POTEF: variants seen among roughly 807,000 people sequenced by gnomAD.
The protein encoded by POTEF is ANKRD26-like family C member 1B.
POTEF carries 20 observed loss-of-function variants against 83.2 expected under a neutral mutation model. That is an observed-to-expected ratio of 0.24 (90% CI 0.17 to 0.35). The LOEUF is 0.35. Ranked by LOEUF, POTEF falls within the 10% of genes least tolerant of loss-of-function variation. The pLI is 1.00. For synonymous variants in POTEF, 196 were observed against 446.4 expected, an observed-to-expected ratio of 0.44 and a Z score of 7.07; for missense variants, 550 against 1,203.2, an observed-to-expected ratio of 0.46 and a Z score of 8.03.
intron 3 of POTEF, among the ~76,000 whole-genome samples, chr2:130,116,318 G>A (rs554203405): frequency 2.7e-5 from 4 of 150,410 alleles, no homozygotes; most frequent in African/African-American, 1.0e-4. Flanking sequence ...CTTTTAAAAC[G>A]GATTTATGAA....
intron 5 of POTEF, among the ~76,000 whole-genome samples, chr2:130,114,569 C>T (rs1684792301): frequency 1.4e-5 from 2 of 144,696 alleles, no homozygotes; most frequent in Admixed American, 6.9e-5. Context: ...CAAATTTTGC[C>T]ATTTTACATT....
intron 15 of POTEF, among the ~76,000 whole-genome samples, chr2:130,082,890 AGCC>A (rs1221540499): frequency 1.2e-3 from 5 of 4,174 alleles, no homozygotes; most frequent in African/African-American, 3.0e-3. Flanking sequence ...GGACATCAGT[AGCC>A]CAATTTTGGA....
intron 8 of POTEF, among the ~76,000 whole-genome samples, chr2:130,102,738 C>T (rs3990567): frequency 0.65 from 97,880 of 150,410 alleles, 32,597 homozygotes; most frequent in African/African-American, 0.74. Flanking sequence ...GCATACTATT[C>T]GCAAGTTCCT....
Position 130,101,880 on chromosome 2 carries a change from GGTT to G in POTEF, c.1197+227_1197+229del, listed in dbSNP as rs563792728. Among the ~76,000 whole-genome samples, 1,365 of 137,162 alleles carry G rather than the reference GGTT, an allele frequency of 1.0e-2. 21 individuals carry two copies. The highest frequency in any genetic ancestry group is 0.035 in the African/African-American group (1,215 of 34,642). 90.0% of individuals were successfully genotyped at this position (137,162 alleles called of 152,430 possible). A position where few individuals can be genotyped will look rare whatever the true frequency, so the allele number is the denominator to read the frequency against. On this transcript the variant is annotated intron_variant, in intron 9 of 16. Coordinates refer to ENST00000409914, the MANE Select transcript of POTEF (RefSeq NM_001099771.2). ...ATAAGAGTATTTTAAATTTTATAGT[GGTT>G]ATGTTTTTTAAGTTAAATATCAAAT... is the stretch of plus-strand genomic sequence containing the variant.
intron 8 of POTEF, among the ~76,000 whole-genome samples, chr2:130,104,830 C>T (rs1684471611): frequency 1.3e-5 from 2 of 151,338 alleles, no homozygotes; most frequent in Admixed American, 6.6e-5. Context: ...TTATCATCAA[C>T]TTTCAGATTC....
At chr2:130,108,200 T>C (rs1233899227) in intron 7 of POTEF, 121 bp from the exon 8 acceptor site, 9 of 1,430,888 alleles carry the variant, frequency 6.3e-6, no homozygotes, top group Non-Finnish European at 8.4e-6. Flanking sequence ...TTAATAGTAT[T>C]ATCCCACCCA....
At position 130,075,069 on chromosome 2, in the gene POTEF, G is replaced by T. The variant is rs1456596968; in HGVS notation, c.2403C>A (p.His801Gln). ...GGGTGGCCTCGGTCAGCAGGACGGG[G>T]TGCTCCTCGGGAGCCACACGCAGCT... The part of the protein sequence containing the change: ...YNELRVAPEE[H>Q]PVLLTEATLN... Residue 801 changes from histidine to glutamine, a missense_variant, in exon 17 of 17, where the codon CAC (histidine) becomes CAA (glutamine). Transcript: ENST00000409914. 2 of 1,613,718 alleles carry T rather than the reference G, an allele frequency of 1.2e-6. No individual in the cohort carries two copies. Among genetic ancestry groups the T allele is most frequent in the East Asian group, 4.5e-5 (2 of 44,878 alleles).
intron 3 of POTEF, among the ~76,000 whole-genome samples, chr2:130,118,970 T>G (rs1684921103): frequency 6.6e-6 from 1 of 151,606 alleles, no homozygotes; most frequent in Admixed American, 6.6e-5. Context: ...TGATGTCTTT[T>G]CAGCTGTTAG....
chr2:130,073,940 T>C lies in POTEF; in HGVS notation c.*304A>G. The C allele has an allele frequency of 1.8e-6, 1 of 542,212 alleles. No individual in the cohort carries two copies. Among genetic ancestry groups the C allele is most frequent in the Non-Finnish European group, 3.3e-6 (1 of 303,778 alleles). 33.6% of individuals were successfully genotyped at this position (542,212 alleles called of 1,614,324 possible). Reference sequence around the variant, plus strand: ...CCATTCTCCTTAGAGAGAAGTGGGGTGGCTTTTAGCAGGGCAAGGGGCTTC... The same window carrying C: ...CCATTCTCCTTAGAGAGAAGTGGGGCGGCTTTTAGCAGGGCAAGGGGCTTC... On this transcript the variant is annotated 3_prime_UTR_variant, in exon 17 of 17. Coordinates refer to ENST00000409914, the MANE Select transcript of POTEF (RefSeq NM_001099771.2).
chr2:130,113,466 T>C (rs893958424), intron 5 of POTEF, among the ~76,000 whole-genome samples: 1 of 143,770 alleles, frequency 7.0e-6, no homozygotes, highest in African/African-American at 2.6e-5. Flanking sequence ...ATTACATTTA[T>C]GTATTGAGTG....
rs147732860 is a variant in POTEF at position 130,125,672 on chromosome 2, G to A, written c.-94+2037C>T. On this transcript the variant is annotated intron_variant, in intron 2 of 16. Coordinates refer to ENST00000409914, the MANE Select transcript of POTEF (RefSeq NM_001099771.2). ...TGCCTTAAAATACACACAGCTGACC[G>A]AGGTGGGTGGATCACCTGAGGTCAG... 6.1e-3 allele frequency among the ~76,000 whole-genome samples: 932 copies of A among 152,110 alleles called. 15 individuals carry two copies. The highest frequency in any genetic ancestry group is 0.02 in the African/African-American group (826 of 41,394).
Position 130,102,634 on chromosome 2 carries a change from T to C in POTEF, c.1127-454A>G, listed in dbSNP as rs370347320. On this transcript the variant is annotated intron_variant, in intron 8 of 16. Coordinates refer to ENST00000409914, the MANE Select transcript of POTEF (RefSeq NM_001099771.2). ...CCTGAGAAGCCAGAGCCCACAGGTA[T>C]GGGCTCCAGACATCCCAGAGCAAGG... is the stretch of plus-strand genomic sequence containing the variant. Among the ~76,000 whole-genome samples the C allele has an allele frequency of 2.4e-4, 36 of 149,016 alleles. No individual in the cohort carries two copies. In the East Asian group the frequency reaches 6.1e-3, roughly 25 times the overall value.
intron 3 of POTEF, among the ~76,000 whole-genome samples, chr2:130,118,952 G>C (rs867606994): frequency 2.0e-5 from 3 of 151,042 alleles, no homozygotes; most frequent in Non-Finnish European, 2.9e-5. Context: ...CTATTCTGTT[G>C]TATTCATTGA....
chr2:130,083,348 T>A (rs3100077), intron 15 of POTEF, among the ~76,000 whole-genome samples: 12 of 151,826 alleles, frequency 7.9e-5, no homozygotes, highest in Admixed American at 1.3e-4. Context: ...AAAAAAAAAA[T>A]TATGAGAAAG....
At position 130,104,229 on chromosome 2, in the gene POTEF, G is replaced by A. The variant is rs555063180; in HGVS notation, c.1127-2049C>T. Reference sequence around the variant, plus strand: ...AATAAATCACTTAATACTTGGTTTGGGAAGGTGCTTTCTAAAGTTATAGTG... The same window carrying A: ...AATAAATCACTTAATACTTGGTTTGAGAAGGTGCTTTCTAAAGTTATAGTG... On this transcript the variant is annotated intron_variant, in intron 8 of 16. Transcript: ENST00000409914. Among the ~76,000 whole-genome samples, 50 of 145,936 alleles carry A rather than the reference G, an allele frequency of 3.4e-4. 1 individual carries two copies. Among genetic ancestry groups the A allele is most frequent in the African/African-American group, 1.3e-3 (50 of 37,986 alleles).
At chr2:130,114,736 G>A in intron 5 of POTEF, 145 bp downstream of exon 5, 3 of 1,218,732 alleles carry the variant, frequency 2.5e-6, no homozygotes, top group Non-Finnish European at 3.3e-6. Flanking sequence ...TATTTAAAAT[G>A]AAGTCTTAGA....
At chr2:130,076,140 A>G (rs1683797211) in intron 16 of POTEF, among the ~76,000 whole-genome samples, 1 of 89,022 alleles carries the variant, frequency 1.1e-5, no homozygotes, top group Non-Finnish European at 2.4e-5. Flanking sequence ...ACATTTATTT[A>G]TAACTGTCAA....
chr2:130,109,635 G>A (rs1869003), intron 7 of POTEF: 97,844 of 149,582 alleles, frequency 0.65, 32,723 homozygotes, highest in African/African-American at 0.75. Context: ...AGAGGAAACA[G>A]ACACTGACCT....
intron 12 of POTEF, among the ~76,000 whole-genome samples, chr2:130,088,595 C>CTTT (rs1312968637): frequency 9.8e-5 from 5 of 51,144 alleles, no homozygotes; most frequent in African/African-American, 3.8e-4. Context: ...TTTCTTTTTT[C>CTTT]TTTTTTTTTT....
Sources: allele counts gnomAD v4.1 joint callset (sites outside exome capture counted in the v4.1 genomes callset), GRCh38; gene constraint gnomAD v4.1.1; transcripts MANE v1.5; gene names NCBI Gene and HGNC (gene_info 2026-07-23, HGNC 2026-07-21).